Variants in CADPS observed in about 807,000 individuals in gnomAD.
CADPS encodes calcium-dependent secretion activator 1.
A neutral mutation model predicts 167.3 loss-of-function variants in CADPS; 57 were observed. That is an observed-to-expected ratio of 0.34 (90% confidence interval 0.28 to 0.42). CADPS has a LOEUF of 0.42. Ranked by LOEUF, CADPS falls within the 20% of genes least tolerant of loss-of-function variation. CADPS has a pLI of 1.00. For missense variants in CADPS, 1,414 were observed against 1,738.1 expected, an observed-to-expected ratio of 0.81 and a Z score of 3.32; for synonymous variants, 676 against 635.3, an observed-to-expected ratio of 1.06 and a Z score of -0.96.
chr3:62,634,102 C>A (rs1401561756), intron 6 of CADPS, among the ~76,000 whole-genome samples: 1 of 152,034 alleles, frequency 6.6e-6, no homozygotes, highest in African/African-American at 2.4e-5. Context: ...TTTTCTCCTT[C>A]CGGATAGGAA....
chr3:62,836,511 G>T (rs914091579), intron 1 of CADPS, among the ~76,000 whole-genome samples: 1 of 152,120 alleles, frequency 6.6e-6, no homozygotes, highest in African/African-American at 2.4e-5. Flanking sequence ...CCCCTAAGGA[G>T]GTAATGTGAG....
intron 23 of CADPS, among the ~76,000 whole-genome samples, chr3:62,476,849 T>C (rs1249707550): frequency 6.6e-6 from 1 of 152,184 alleles, no homozygotes; most frequent in Non-Finnish European, 1.5e-5. Context: ...TTTTATGGAA[T>C]GGTTTGGCCA....
At chr3:62,739,267 C>A (rs187736366) in intron 3 of CADPS, among the ~76,000 whole-genome samples, 1 of 152,308 alleles carries the variant, frequency 6.6e-6, no homozygotes, top group East Asian at 1.9e-4. Flanking sequence ...CTAGATCAAT[C>A]CATAGTCATC....
At chr3:62,430,488 G>T (rs1260438739) in intron 28 of CADPS, among the ~76,000 whole-genome samples, 1 of 152,088 alleles carries the variant, frequency 6.6e-6, no homozygotes, top group East Asian at 1.9e-4. Flanking sequence ...CTGGGAATTC[G>T]AGTGGCCCTG....
At chr3:62,572,592 C>A (rs1462488331) in intron 8 of CADPS, among the ~76,000 whole-genome samples, 1 of 152,132 alleles carries the variant, frequency 6.6e-6, no homozygotes, top group African/African-American at 2.4e-5. Flanking sequence ...TCATTGGTCC[C>A]ACATCTGTTC....
chr3:62,401,550 T>A (rs1452950971), intron 29 of CADPS, among the ~76,000 whole-genome samples: 1 of 152,214 alleles, frequency 6.6e-6, no homozygotes, highest in Non-Finnish European at 1.5e-5. Flanking sequence ...GAAAGCCAAT[T>A]ATCCTTGGAA....
rs184288636 is a variant in CADPS, at chr3:62,857,690, G to A, written c.441+16899C>T. ...TTAACCTCTATATATCCATGCAGATGTATAAATATATATTATGTGCATAAT... is the reference window on the plus strand; with the variant it reads ...TTAACCTCTATATATCCATGCAGATATATAAATATATATTATGTGCATAAT... On this transcript the variant is annotated intron_variant, in intron 1 of 29. Coordinates refer to ENST00000383710, the MANE Select transcript of CADPS (RefSeq NM_003716.4). 1.6e-3 allele frequency among the ~76,000 whole-genome samples: 242 copies of A among 152,056 alleles called. 1 individual carries two copies. The highest frequency in any genetic ancestry group is 2.6e-4 in the Non-Finnish European group (18 of 67,928).
chr3:62,528,449 G>A (rs1394616069), intron 13 of CADPS, among the ~76,000 whole-genome samples: 1 of 152,096 alleles, frequency 6.6e-6, no homozygotes, highest in Admixed American at 6.6e-5. Context: ...ATTATTAAAT[G>A]GTAGTGATTA....
At chr3:62,726,706 C>T (rs1279729766) in intron 3 of CADPS, among the ~76,000 whole-genome samples, 1 of 151,944 alleles carries the variant, frequency 6.6e-6, no homozygotes, top group South Asian at 2.1e-4. Flanking sequence ...AGGATTCCAG[C>T]CAAAGGAAGC....
At chr3:62,513,281 A>G (rs1006481317) in intron 16 of CADPS, among the ~76,000 whole-genome samples, 1 of 152,022 alleles carries the variant, frequency 6.6e-6, no homozygotes, top group African/African-American at 2.4e-5. Flanking sequence ...CACCTAACGC[A>G]TTGCTCCCCA....
intron 3 of CADPS, among the ~76,000 whole-genome samples, chr3:62,676,828 C>T (rs776253561): frequency 2.1e-4 from 32 of 152,068 alleles, no homozygotes; most frequent in South Asian, 6.2e-4. Context: ...TGGAAAATGG[C>T]TGATTAAAAA....
chr3:62,867,752 A>G (rs1244351545), intron 1 of CADPS, among the ~76,000 whole-genome samples: 3 of 152,048 alleles, frequency 2.0e-5, no homozygotes, highest in African/African-American at 7.2e-5. Context: ...CAACTTAGCA[A>G]TAACAAGAGC....
At chr3:62,437,824 G>T (rs2055459065) in intron 28 of CADPS, among the ~76,000 whole-genome samples, 1 of 152,156 alleles carries the variant, frequency 6.6e-6, no homozygotes, top group South Asian at 2.1e-4. Context: ...GTTAGAGAGA[G>T]CTGCCTTGCA....
In CADPS at chr3:62,771,905, A is replaced by G. The variant is rs1166739813; in HGVS notation, c.442-5921T>C. 3.3e-5 allele frequency among the ~76,000 whole-genome samples: 5 copies of G among 152,296 alleles called. No homozygotes were observed. In the East Asian group the frequency reaches 9.7e-4, roughly 29 times the overall value. The stretch of plus-strand genomic sequence containing the variant: ...AGTGAGGAGAAAACGGCATGTTCTA[A>G]GTGTCGGTCTCAGGAGAGGCAATGC... On this transcript the variant is annotated intron_variant, in intron 1 of 29. Transcript: ENST00000383710.
At chr3:62,815,624 C>T (rs192767115) in intron 1 of CADPS, among the ~76,000 whole-genome samples, 1 of 152,282 alleles carries the variant, frequency 6.6e-6, no homozygotes, top group Non-Finnish European at 1.5e-5. Context: ...TGCTATCATA[C>T]ACTCCTGCCC....
At chr3:62,585,919 G>A (rs1017374335) in intron 7 of CADPS, among the ~76,000 whole-genome samples, 1 of 152,216 alleles carries the variant, frequency 6.6e-6, no homozygotes, top group Non-Finnish European at 1.5e-5. Context: ...ATGGAGGAAA[G>A]CACACATGAC....
chr3:62,859,647 T>C (rs1471681276), intron 1 of CADPS, among the ~76,000 whole-genome samples: 1 of 151,984 alleles, frequency 6.6e-6, no homozygotes, highest in Non-Finnish European at 1.5e-5. Context: ...AAGAAGACAG[T>C]AGAAAGAAAT....
chr3:62,629,758 T>G lies in CADPS; in HGVS notation c.1325+15964A>C, dbSNP rs547715718. On this transcript the variant is annotated intron_variant, in intron 6 of 29. Coordinates refer to ENST00000383710, the MANE Select transcript of CADPS (RefSeq NM_003716.4). The stretch of plus-strand genomic sequence containing the variant: ...CTCTTGCTCACAGACTCTGGTACAG[T>G]TTTTTTTTTGTTTGTTTGTTTGTTT... Among the ~76,000 whole-genome samples, 7 of 146,762 alleles carry G rather than the reference T, an allele frequency of 4.8e-5. 2 individuals carry two copies. In the South Asian group the frequency reaches 1.5e-3, roughly 32 times the overall value.
chr3:62,453,387 T>C (rs1047510313), intron 26 of CADPS, among the ~76,000 whole-genome samples: 1 of 152,210 alleles, frequency 6.6e-6, no homozygotes, highest in Non-Finnish European at 1.5e-5. Context: ...TCAATTCTAG[T>C]GGAGAAAGGG....
Sources: allele counts gnomAD v4.1 joint callset (sites outside exome capture counted in the v4.1 genomes callset), GRCh38; gene constraint gnomAD v4.1.1; transcripts MANE v1.5; gene names NCBI Gene and HGNC (gene_info 2026-07-23, HGNC 2026-07-21).